The following DYNC2I1 variants were observed in gnomAD, a reference collection of about 807,000 sequenced individuals.
DYNC2I1 encodes the protein dynein 2 intermediate chain 1, also known as cytoplasmic dynein 2 intermediate chain 1.
A neutral mutation model predicts 133.4 loss-of-function variants in DYNC2I1; 89 were observed. The observed-to-expected ratio is 0.67, with a 90% CI of 0.56 to 0.80. The LOEUF is 0.80. Among genes scored for constraint, DYNC2I1 ranks in the 30% least tolerant of loss-of-function variants. DYNC2I1 has a pLI of 0.00. For missense variants in DYNC2I1, 1,291 were observed against 1,314.5 expected, an observed-to-expected ratio of 0.98 and a Z score of 0.28; for synonymous variants, 504 against 484.3, an observed-to-expected ratio of 1.04 and a Z score of -0.54.
chr7:158,920,353 G>A (rs1484991746), intron 15 of DYNC2I1, among the ~76,000 whole-genome samples: 2 of 151,458 alleles, frequency 1.3e-5, no homozygotes, highest in African/African-American at 2.4e-5. Flanking sequence ...CACATGAAGT[G>A]TGTGTGTGTA....
chr7:158,881,241 C>T (rs1410810868), intron 5 of DYNC2I1, among the ~76,000 whole-genome samples: 2 of 152,182 alleles, frequency 1.3e-5, no homozygotes, highest in Non-Finnish European at 2.9e-5. Context: ...ACTGAGACCC[C>T]ACTGTCTTCC....
chr7:158,943,745 G>T (rs1184973917), intron 24 of DYNC2I1, among the ~76,000 whole-genome samples: 1 of 152,160 alleles, frequency 6.6e-6, no homozygotes, highest in African/African-American at 2.4e-5. Flanking sequence ...CTGGAGCCTT[G>T]TCTTAGGGGC....
In DYNC2I1 at chr7:158,928,906, C is replaced by G. The variant is rs570257019; in HGVS notation, c.2486-1549C>G. Among the ~76,000 whole-genome samples the G allele has an allele frequency of 9.2e-5, 14 of 152,280 alleles. 1 individual carries two copies. Among genetic ancestry groups the G allele is most frequent in the African/African-American group, 3.1e-4 (13 of 41,552 alleles). On this transcript the variant is annotated intron_variant, in intron 20 of 24. Transcript: ENST00000407559. ...CTTGTTACATGATCAAGGTATTTGT[C>G]AAGCAATTACGGATGGTACTGAGAT... is the stretch of plus-strand genomic sequence containing the variant.
chr7:158,916,693 A>G (rs113203353), intron 14 of DYNC2I1, among the ~76,000 whole-genome samples: 862 of 72,616 alleles, frequency 0.012, 231 homozygotes, highest in African/African-American at 0.04. Flanking sequence ...GAGATTAAGG[A>G]TGATTGTGAA....
chr7:158,881,502 G>A (rs1042296069), intron 5 of DYNC2I1, among the ~76,000 whole-genome samples: 1 of 152,210 alleles, frequency 6.6e-6, no homozygotes, highest in Middle Eastern at 3.4e-3. Context: ...CGCCCAGGCT[G>A]GAGTGCAGTG....
chr7:158,864,144 G>A lies in DYNC2I1; in HGVS notation c.16-5711G>A, dbSNP rs868804942. On this transcript the variant is annotated intron_variant, in intron 1 of 24. Transcript: ENST00000407559. ...GTGGGGGGGGGAGCAGACGTTCTTAGCTCTGGGTGTGGCGGGGAATGAGAC... is the reference window on the plus strand; with the variant it reads ...GTGGGGGGGGGAGCAGACGTTCTTAACTCTGGGTGTGGCGGGGAATGAGAC... Among the ~76,000 whole-genome samples, 7 of 152,008 alleles carry A rather than the reference G, an allele frequency of 4.6e-5. No homozygotes were observed. In the South Asian group the frequency reaches 8.3e-4, roughly 18 times the overall value.
chr7:158,950,324 C>T (rs180794792), downstream of DYNC2I1, among the ~76,000 whole-genome samples: 55 of 152,340 alleles, frequency 3.6e-4, no homozygotes, highest in Non-Finnish European at 5.9e-4. Flanking sequence ...CTTGGCCTCC[C>T]GAAGTGCTGG....
At position 158,922,522 on chromosome 7, in the gene DYNC2I1, A is replaced by G; in HGVS notation, c.2067A>G (p.Pro689=). Residue 689 remains proline (P), a synonymous_variant, in exon 16 of 25, where the codon CCA becomes CCG. Transcript: ENST00000407559. The stretch of plus-strand genomic sequence containing the variant: ...GGGATATTTGGCAGCCTTCAGGGCC[A>G]CAGAAAGTTCTGATATGTGAGTCCC... ...CVWDIWQPSG[P]QKVLICESQV... is the part of the protein sequence containing the mutation. 1 of 1,613,876 alleles carries G rather than the reference A, an allele frequency of 6.2e-7. No homozygotes were observed. Among genetic ancestry groups the G allele is most frequent in the Non-Finnish European group, 8.5e-7 (1 of 1,179,860 alleles).
the DYNC2I1 span, among the ~76,000 whole-genome samples, chr7:158,849,534 T>A: frequency 6.6e-6 from 1 of 152,194 alleles, no homozygotes; most frequent in East Asian, 1.9e-4. Context: ...ATGAGCGTTA[T>A]TGAGTGTTAC....
At chr7:158,895,595 C>T (rs1237610120) in intron 8 of DYNC2I1, among the ~76,000 whole-genome samples, 1 of 152,188 alleles carries the variant, frequency 6.6e-6, no homozygotes, top group African/African-American at 2.4e-5. Context: ...CTTTGTTCTC[C>T]TTCAATGTTG....
At chr7:158,855,654 G>A (rs1426824420), upstream of DYNC2I1, among the ~76,000 whole-genome samples, 4 of 152,204 alleles carry the variant, frequency 2.6e-5, no homozygotes, top group Admixed American at 6.5e-5. Flanking sequence ...GAAGGAACAA[G>A]CACAGCTTGG....
intron 8 of DYNC2I1, among the ~76,000 whole-genome samples, chr7:158,897,968 T>C (rs1356243120): frequency 1.3e-5 from 2 of 152,252 alleles, no homozygotes; most frequent in Non-Finnish European, 2.9e-5. Flanking sequence ...AAAATGCTTT[T>C]ACATTTCTCT....
At position 158,922,367 on chromosome 7, in the gene DYNC2I1, T is replaced by TTCTCCCTAGA; in HGVS notation, c.1922-7_1924dup. ...TCGTTGAAATGTGAACATATTTTTC[T>TTCTCCCTAGA]TCTCCCTAGATCGAAAAGTATCCTC... On this transcript the variant is annotated splice_polypyrimidine_tract_variant and intron_variant, in intron 15 of 24. Coordinates refer to ENST00000407559, the MANE Select transcript of DYNC2I1 (RefSeq NM_018051.5). The TTCTCCCTAGA allele has an allele frequency of 6.2e-7, 1 of 1,608,994 alleles. No individual in the cohort carries two copies. The highest frequency in any genetic ancestry group is 8.5e-7 in the Non-Finnish European group (1 of 1,177,306).
At chr7:158,888,902 G>T (rs1844887315) in intron 7 of DYNC2I1, among the ~76,000 whole-genome samples, 1 of 152,032 alleles carries the variant, frequency 6.6e-6, no homozygotes, top group African/African-American at 2.4e-5. Flanking sequence ...GTGGTGGTTG[G>T]ATTGCTTATT....
chr7:158,843,245 C>T, the DYNC2I1 span, among the ~76,000 whole-genome samples: 8 of 151,984 alleles, frequency 5.3e-5, no homozygotes, highest in Admixed American at 3.3e-4. Flanking sequence ...GAGGTGTGTG[C>T]CACCATGCCC....
At position 158,941,979 on chromosome 7, in the gene DYNC2I1, C is replaced by T. The variant is rs755690958; in HGVS notation, c.2833C>T (p.Leu945Phe). Residue 945 changes from leucine to phenylalanine, a missense_variant, in exon 24 of 25, where the codon CTC becomes TTC. Coordinates refer to ENST00000407559, the MANE Select transcript of DYNC2I1 (RefSeq NM_018051.5). The stretch of plus-strand genomic sequence containing the variant: ...GCACCAGCTGAGCTCCGCGTTTCCG[C>T]TCCTGCAGTGGGACAGCAGCACGGA... ...RLHQLSSAFP[L>F]LQWDSSTDSH... 3.7e-6 allele frequency: 6 copies of T among 1,613,040 alleles called. No homozygotes were observed. Among genetic ancestry groups the T allele is most frequent in the Non-Finnish European group, 5.1e-6 (6 of 1,179,664 alleles).
intron 8 of DYNC2I1, among the ~76,000 whole-genome samples, chr7:158,892,820 A>C (rs1585058034): frequency 1.3e-5 from 2 of 151,960 alleles, no homozygotes; most frequent in Non-Finnish European, 2.9e-5. Flanking sequence ...GCGTGCCTGT[A>C]ATCCCAGCTG....
chr7:158,915,930 T>G (rs1401307982), intron 14 of DYNC2I1, among the ~76,000 whole-genome samples: 2 of 138,140 alleles, frequency 1.4e-5, no homozygotes, highest in African/African-American at 5.6e-5. Flanking sequence ...CTGGTTGACA[T>G]TAAGGATGAT....
At chr7:158,924,954 C>T (rs1477007518) in intron 17 of DYNC2I1, among the ~76,000 whole-genome samples, 1 of 152,174 alleles carries the variant, frequency 6.6e-6, no homozygotes, top group Non-Finnish European at 1.5e-5. Flanking sequence ...CGGGGTTTCT[C>T]CATGTTGGTC....
Sources: allele counts gnomAD v4.1 joint callset (sites outside exome capture counted in the v4.1 genomes callset), GRCh38; gene constraint gnomAD v4.1.1; transcripts MANE v1.5; gene names NCBI Gene and HGNC (gene_info 2026-07-23, HGNC 2026-07-21).